Variants in XKR9 observed in about 807,000 individuals in gnomAD.
XKR9 encodes XK related 9, also known as XK-related protein 9.
XKR9 carries 32 observed loss-of-function variants against 32.0 expected under a neutral mutation model. The observed-to-expected ratio is 1.00, with a 90% CI of 0.76 to 1.34. The LOEUF (loss-of-function observed/expected upper bound fraction) is 1.34, where lower values mean the gene tolerates loss of function less well. Among genes scored for constraint, XKR9 ranks in the 40% most tolerant of loss-of-function variants. The pLI is 0.00. For missense variants in XKR9, 546 were observed against 429.7 expected (o/e 1.27, Z -2.39); for synonymous variants, 168 against 143.4 (o/e 1.17, Z -1.22).
chr8:70,841,294 C>T, the XKR9 span, among the ~76,000 whole-genome samples: 1 of 151,926 alleles, frequency 6.6e-6, no homozygotes, highest in East Asian at 1.9e-4. Context: ...GTACTTATGT[C>T]AATAAAGAAA....
chr8:70,962,584 A>G, the XKR9 span, among the ~76,000 whole-genome samples: 768 of 152,284 alleles, frequency 5.0e-3, 4 homozygotes, highest in Middle Eastern at 0.031. Context: ...TATACTTACC[A>G]CACTTTCTTT....
chr8:70,807,468 C>G, the XKR9 span, among the ~76,000 whole-genome samples: 1 of 152,068 alleles, frequency 6.6e-6, no homozygotes, highest in Admixed American at 6.5e-5. Context: ...CACAGAGTGG[C>G]AAATTGGATA....
chr8:70,966,858 CT>C, the XKR9 span, among the ~76,000 whole-genome samples: 1 of 152,060 alleles, frequency 6.6e-6, no homozygotes, highest in Non-Finnish European at 1.5e-5. Flanking sequence ...GAATTGAACA[CT>C]TTACCATTAT....
the XKR9 span, among the ~76,000 whole-genome samples, chr8:70,881,212 A>G: frequency 6.6e-6 from 1 of 152,240 alleles, no homozygotes; most frequent in African/African-American, 2.4e-5. Flanking sequence ...GGCATGGGCA[A>G]GGACTTCATG....
chr8:70,733,729 G>A, intron 4 of XKR9, 67 bp from the exon 5 acceptor site: 1 of 1,360,256 alleles, frequency 7.4e-7, no homozygotes, highest in Admixed American at 3.1e-5. Flanking sequence ...TAGCATGTAT[G>A]GGATATAGTA....
the XKR9 span, among the ~76,000 whole-genome samples, chr8:70,848,131 G>C: frequency 6.6e-6 from 1 of 152,052 alleles, no homozygotes; most frequent in African/African-American, 2.4e-5. Flanking sequence ...GATCAAGTGG[G>C]ATTCATCCCA....
chr8:70,736,347 A>C (rs866871904), downstream of XKR9, among the ~76,000 whole-genome samples: 5 of 151,530 alleles, frequency 3.3e-5, no homozygotes, highest in Middle Eastern at 3.2e-3. Flanking sequence ...GTTTGAGTTC[A>C]TTGTAGATTC....
At chr8:70,908,533 T>C in the XKR9 span, among the ~76,000 whole-genome samples, 1 of 152,224 alleles carries the variant, frequency 6.6e-6, no homozygotes, top group Admixed American at 6.5e-5. Context: ...ATGGTTGCTC[T>C]AGATCAGGAG....
chr8:70,900,906 G>A, the XKR9 span, among the ~76,000 whole-genome samples: 1 of 152,182 alleles, frequency 6.6e-6, no homozygotes, highest in Admixed American at 6.5e-5. Context: ...AGAACATGTG[G>A]TGTTTAGTTT....
At chr8:70,828,367 A>G in the XKR9 span, among the ~76,000 whole-genome samples, 1 of 152,222 alleles carries the variant, frequency 6.6e-6, no homozygotes, top group South Asian at 2.1e-4. Context: ...GGCATGGAGA[A>G]TGGGACAAGA....
chr8:70,737,196 T>G (rs1393528768), downstream of XKR9, among the ~76,000 whole-genome samples: 6 of 147,826 alleles, frequency 4.1e-5, no homozygotes, highest in African/African-American at 1.2e-4. Context: ...CCCTTGTAAG[T>G]TGGATTCCTA....
chr8:70,893,588 G>A, the XKR9 span, among the ~76,000 whole-genome samples: 1 of 152,164 alleles, frequency 6.6e-6, no homozygotes, highest in Admixed American at 6.5e-5. Context: ...TATAGCCTCT[G>A]TGCAGATACT....
chr8:70,845,386 G>A, the XKR9 span, among the ~76,000 whole-genome samples: 9 of 152,286 alleles, frequency 5.9e-5, no homozygotes, highest in East Asian at 3.9e-4. Context: ...TGGAAAAGCC[G>A]AGGAAATACA....
At chr8:70,838,526 C>T in the XKR9 span, among the ~76,000 whole-genome samples, 14 of 152,112 alleles carry the variant, frequency 9.2e-5, no homozygotes, top group South Asian at 2.7e-3. Context: ...CATAACAAGC[C>T]TGCCAGATAG....
the XKR9 span, among the ~76,000 whole-genome samples, chr8:70,975,454 A>C: frequency 2.6e-5 from 4 of 152,190 alleles, no homozygotes; most frequent in South Asian, 2.1e-4. Flanking sequence ...TCAGTTTTCT[A>C]TAAATGGCTA....
At chr8:70,918,768 CTTTTTTTTTTTTTT>C in the XKR9 span, among the ~76,000 whole-genome samples, 3 of 64,138 alleles carry the variant, frequency 4.7e-5, no homozygotes, top group Admixed American at 3.7e-4. Flanking sequence ...TCATGGGATC[CTTTTTTTTTTTTTT>C]TTTTTTTTTT....
the XKR9 span, among the ~76,000 whole-genome samples, chr8:70,951,363 T>G: frequency 6.6e-6 from 1 of 152,208 alleles, no homozygotes; most frequent in Admixed American, 6.5e-5. Flanking sequence ...GCTGCCAAGG[T>G]TGTGGGGTGG....
At chr8:71,048,654 A>G in the XKR9 span, among the ~76,000 whole-genome samples, 4 of 152,242 alleles carry the variant, frequency 2.6e-5, no homozygotes, top group African/African-American at 4.8e-5. Context: ...GAAAGTCACA[A>G]TATCACCATA....
At chr8:70,761,398 A>T (rs563644313) in intron 2 of XKR9, among the ~76,000 whole-genome samples, 1 of 152,082 alleles carries the variant, frequency 6.6e-6, no homozygotes, top group South Asian at 2.1e-4. Flanking sequence ...AATAAAAGCC[A>T]CTCTGACTGG....
Sources: gnomAD v4.1 joint callset for allele counts (sites outside exome capture counted in the v4.1 genomes callset) on GRCh38, gnomAD v4.1.1 for gene constraint, MANE v1.5 for transcripts, NCBI Gene and HGNC (gene_info 2026-07-23, HGNC 2026-07-21) for gene names.